Variants in ASPH observed in about 807,000 individuals in gnomAD.
ASPH encodes the protein aspartyl/asparaginyl beta-hydroxylase.
Under a neutral mutation model 118.4 loss-of-function variants are expected in ASPH, and 100 were observed. The observed-to-expected ratio is 0.84, with a 90% CI of 0.72 to 1.00. The LOEUF is 1.00. Ranked by LOEUF, ASPH falls within the 50% of genes least tolerant of loss-of-function variation. ASPH has a pLI of 0.00. For missense variants in ASPH, 920 were observed against 919.5 expected (o/e 1.00, Z -0.01); for synonymous variants, 315 against 325.6 (o/e 0.97, Z 0.35).
rs878865237 is a variant in ASPH at position 61,500,913 on chromosome 8, A to ATAT, written c.*2443_*2445dup. 6.6e-6 allele frequency: 1 copy of ATAT among 152,220 alleles called. No homozygotes were observed. The highest frequency in any genetic ancestry group is 2.4e-5 in the African/African-American group (1 of 41,456). The allele number at this position is 152,220 out of a possible 1,614,324, so 9.4% of individuals were successfully genotyped here. A position where few individuals can be genotyped will look rare whatever the true frequency, so the allele number is the denominator to read the frequency against. ...CAACTGGTCATAATCACCCCTGATA[A>ATAT]TATTATTACTAATCTTAATTATTTA... On this transcript the variant is annotated 3_prime_UTR_variant, in exon 25 of 25. Transcript: ENST00000379454.
At chr8:61,513,189 C>G (rs1809557148) in intron 24 of ASPH, among the ~76,000 whole-genome samples, 2 of 152,198 alleles carry the variant, frequency 1.3e-5, no homozygotes, top group Non-Finnish European at 2.9e-5. Context: ...AAATTGCTGC[C>G]TTTGGCTAGC....
chr8:61,656,049 A>C (rs1309917286), intron 3 of ASPH: 2 of 152,198 alleles, frequency 1.3e-5, no homozygotes, highest in Non-Finnish European at 2.9e-5. Context: ...AGCTCATTTT[A>C]GTTCTAAAAT....
chr8:61,539,699 G>GGTGTGTGAGTGTGTGTGTGT (rs1821059687), intron 21 of ASPH, among the ~76,000 whole-genome samples: 1 of 124,214 alleles, frequency 8.1e-6, no homozygotes, highest in Non-Finnish European at 1.7e-5. Flanking sequence ...ACACTTCTGG[G>GGTGTGTGAGTGTGTGTGTGT]GTGTGTGTGT....
intron 16 of ASPH, among the ~76,000 whole-genome samples, chr8:61,569,249 A>G (rs1320452637): frequency 6.6e-6 from 1 of 152,224 alleles, no homozygotes; most frequent in Non-Finnish European, 1.5e-5. Context: ...AGTCAGGAAG[A>G]GAGAGGAGAA....
chr8:61,524,092 A>G (rs1814307009), intron 22 of ASPH, among the ~76,000 whole-genome samples: 1 of 152,204 alleles, frequency 6.6e-6, no homozygotes, highest in Non-Finnish European at 1.5e-5. Flanking sequence ...CAATCAATCA[A>G]TGTTGAAGCA....
At chr8:61,614,706 G>T (rs978681839) in intron 14 of ASPH, among the ~76,000 whole-genome samples, 1 of 152,080 alleles carries the variant, frequency 6.6e-6, no homozygotes, top group Non-Finnish European at 1.5e-5. Flanking sequence ...GGCCCAGGCT[G>T]GCCTCAAACT....
chr8:61,658,586 G>A (rs995108841), intron 3 of ASPH: 2 of 152,124 alleles, frequency 1.3e-5, no homozygotes, highest in African/African-American at 4.8e-5. Context: ...AATGCAAAAA[G>A]GGGACAAAAC....
intron 24 of ASPH, among the ~76,000 whole-genome samples, chr8:61,504,148 A>T (rs1240398531): frequency 6.6e-6 from 1 of 152,196 alleles, no homozygotes; most frequent in Non-Finnish European, 1.5e-5. Flanking sequence ...ACCTCATAAG[A>T]TATCTGTATA....
At chr8:61,578,290 C>T (rs917028605) in intron 15 of ASPH, 28 of 1,591,254 alleles carry the variant, frequency 1.8e-5, no homozygotes, top group African/African-American at 1.5e-4. Context: ...AGCAGCCGCT[C>T]CTACACGAGT....
intron 21 of ASPH, among the ~76,000 whole-genome samples, chr8:61,539,773 G>A (rs938881291): frequency 2.3e-5 from 3 of 131,216 alleles, no homozygotes; most frequent in Admixed American, 8.3e-5. Context: ...TATGCCTGAC[G>A]AGCTACCTAC....
At position 61,501,377 on chromosome 8, in the gene ASPH, T is replaced by A. The variant is rs1443065904; in HGVS notation, c.*1982A>T. The A allele has an allele frequency of 6.6e-6, 1 of 152,194 alleles. No homozygotes were observed. Among genetic ancestry groups the A allele is most frequent in the Non-Finnish European group, 1.5e-5 (1 of 68,008 alleles). 9.4% of individuals were successfully genotyped at this position (152,194 alleles called of 1,614,324 possible). A position where few individuals can be genotyped will look rare whatever the true frequency, so the allele number is the denominator to read the frequency against. ...ATTGGCAATACTTAGAACCTTACTG[T>A]AGTGACCTGATTTTAAATACCATAT... On this transcript the variant is annotated 3_prime_UTR_variant, in exon 25 of 25. Transcript: ENST00000379454.
At chr8:61,704,000 C>T (rs1376205303) in intron 1 of ASPH, among the ~76,000 whole-genome samples, 1 of 151,648 alleles carries the variant, frequency 6.6e-6, no homozygotes, top group Non-Finnish European at 1.5e-5. Context: ...TCGAGACCAT[C>T]CCGGCTAAAA....
chr8:61,680,877 T>G, intron 3 of ASPH, 91 bp downstream of exon 3: 1 of 1,091,250 alleles, frequency 9.2e-7, no homozygotes, highest in Non-Finnish European at 1.3e-6. Context: ...TCCTGTAAGA[T>G]ATATACTATT....
At chr8:61,602,082 G>A (rs1323284543) in intron 14 of ASPH, among the ~76,000 whole-genome samples, 1 of 151,168 alleles carries the variant, frequency 6.6e-6, no homozygotes, top group Admixed American at 6.6e-5. Flanking sequence ...TAAAGAGAAG[G>A]GGTTGTTTCC....
intron 1 of ASPH, among the ~76,000 whole-genome samples, chr8:61,708,466 G>GA (rs1169293467): frequency 6.6e-6 from 1 of 152,148 alleles, no homozygotes; most frequent in Non-Finnish European, 1.5e-5. Flanking sequence ...AAGACCAAAA[G>GA]AGTCTTTCCA....
At chr8:61,568,029 A>G (rs1354384206) in intron 16 of ASPH, among the ~76,000 whole-genome samples, 1 of 152,148 alleles carries the variant, frequency 6.6e-6, no homozygotes, top group Non-Finnish European at 1.5e-5. Flanking sequence ...GGAATCGAGG[A>G]CAGGCCAGTG....
rs41493344 is a variant in ASPH, at chr8:61,552,468, G to A, written c.1626+563C>T. ...TATCATTACTATCACCACAATGTTC[G>A]TCTTAAACTTGGTATTAAATATTTC... On this transcript the variant is annotated intron_variant, in intron 20 of 24. Coordinates refer to ENST00000379454, the MANE Select transcript of ASPH (RefSeq NM_004318.4). Among the ~76,000 whole-genome samples the A allele has an allele frequency of 7.4e-3, 1,121 of 152,202 alleles. 18 individuals are homozygous for A. Among genetic ancestry groups the A allele is most frequent in the African/African-American group, 0.026 (1,067 of 41,514 alleles).
Position 61,501,746 on chromosome 8 carries a change from A to G in ASPH, c.*1613T>C, listed in dbSNP as rs754677049. ...GGGATGTTTTCAATACCAGCAAAACAAAAGAACAGGAAAAGTATTTTGCAA... is the reference window on the plus strand; with the variant it reads ...GGGATGTTTTCAATACCAGCAAAACGAAAGAACAGGAAAAGTATTTTGCAA... On this transcript the variant is annotated 3_prime_UTR_variant, in exon 25 of 25. Transcript: ENST00000379454. The G allele has an allele frequency of 3.9e-5, 6 of 152,226 alleles. No individual in the cohort carries two copies. The highest frequency in any genetic ancestry group is 5.9e-5 in the Non-Finnish European group (4 of 68,044). The allele number at this position is 152,226 out of a possible 1,614,324, so 9.4% of individuals were successfully genotyped here.
intron 15 of ASPH, chr8:61,578,464 C>T (rs1259173266): frequency 1.6e-5 from 26 of 1,594,844 alleles, no homozygotes; most frequent in Non-Finnish European, 2.2e-5. Context: ...GAGGTGGACC[C>T]CAACATCCAG....
Sources: allele counts gnomAD v4.1 joint callset (sites outside exome capture counted in the v4.1 genomes callset), GRCh38; gene constraint gnomAD v4.1.1; transcripts MANE v1.5; gene names NCBI Gene and HGNC (gene_info 2026-07-23, HGNC 2026-07-21).